The following FOXP4 variants were observed in gnomAD, a reference collection of about 807,000 sequenced individuals.
FOXP4 encodes the protein forkhead box P4.
FOXP4 carries 25 observed loss-of-function variants against 82.6 expected under a neutral mutation model. The ratio of observed to expected loss-of-function variants is 0.30; its 90% CI spans 0.22 to 0.42. The LOEUF is 0.42. Ranked by LOEUF, FOXP4 falls within the 10% of genes least tolerant of loss-of-function variation. The pLI is 1.00. For missense variants in FOXP4, 785 were observed against 900.9 expected (o/e 0.87, Z 1.65); for synonymous variants, 415 against 388.2 (o/e 1.07, Z -0.81).
intron 2 of FOXP4, among the ~76,000 whole-genome samples, chr6:41,571,425 G>C (rs1380611485): frequency 1.3e-5 from 2 of 152,242 alleles, no homozygotes; most frequent in Non-Finnish European, 2.9e-5. Flanking sequence ...GTTGAGTTCA[G>C]CTGTAAATTC....
At chr6:41,563,997 A>G (rs528257852) in intron 1 of FOXP4, among the ~76,000 whole-genome samples, 2 of 152,332 alleles carry the variant, frequency 1.3e-5, no homozygotes, top group East Asian at 3.9e-4. Flanking sequence ...TACCACAGAC[A>G]AGGAATCTGA....
At chr6:41,556,134 G>A (rs1764262780) in intron 1 of FOXP4, among the ~76,000 whole-genome samples, 1 of 151,968 alleles carries the variant, frequency 6.6e-6, no homozygotes, top group South Asian at 2.1e-4. Context: ...ACGCGGGGAG[G>A]AGCACTGGTT....
At chr6:41,597,331 C>T in intron 15 of FOXP4, 89 bp downstream of exon 15, 1 of 1,384,014 alleles carries the variant, frequency 7.2e-7, no homozygotes, top group Non-Finnish European at 1.0e-6. Context: ...CTGCAGAGGA[C>T]TCACCAGAGG....
chr6:41,553,299 G>A (rs1581698338), intron 1 of FOXP4, among the ~76,000 whole-genome samples: 1 of 151,946 alleles, frequency 6.6e-6, no homozygotes, highest in African/African-American at 2.4e-5. Flanking sequence ...GATGCCTCAT[G>A]TTATCAATTA....
intron 1 of FOXP4, among the ~76,000 whole-genome samples, chr6:41,563,487 G>A (rs898158926): frequency 1.3e-5 from 2 of 152,302 alleles, no homozygotes; most frequent in African/African-American, 2.4e-5. Context: ...GGGAGACCGT[G>A]TGGTTATAGG....
intron 1 of FOXP4, 125 bp from the exon 2 acceptor site, chr6:41,565,620 G>A (rs1764829328): frequency 2.3e-6 from 2 of 851,988 alleles, no homozygotes; most frequent in East Asian, 5.0e-5. Context: ...CAGCCTCTGG[G>A]AAGTTGAGGA....
At position 41,585,401 on chromosome 6, in the gene FOXP4, G is replaced by A. The variant is rs373354224; in HGVS notation, c.424-30G>A. 12 of 1,609,500 alleles carry A rather than the reference G, an allele frequency of 7.5e-6. No individual in the cohort carries two copies. The Middle Eastern group carries it at 5.0e-4, about 67-fold the overall frequency. ...GGGGTTGTGGGGATAGCAGTACCCT[G>A]CCAGTGGTAACCCTCCTCCACCCCC... On this transcript the variant is annotated intron_variant, in intron 4 of 16. Coordinates refer to ENST00000307972, the MANE Select transcript of FOXP4 (RefSeq NM_001012426.2).
Position 41,601,284 on chromosome 6 carries a change from G to GC in FOXP4, c.*2350dup, listed in dbSNP as rs922021150. 8 of 152,572 alleles carry GC rather than the reference G, an allele frequency of 5.2e-5. No individual in the cohort carries two copies. The highest frequency in any genetic ancestry group is 1.9e-4 in the African/African-American group (8 of 41,538). 9.5% of individuals were successfully genotyped at this position (152,572 alleles called of 1,614,324 possible). On this transcript the variant is annotated 3_prime_UTR_variant, in exon 17 of 17. Transcript: ENST00000307972. ...CCCTGGATAGGCTGCAAGGAAAGAGGCCAAGGGCCAAGCTGCTAAGCCAAA... is the reference window on the plus strand; with the variant it reads ...CCCTGGATAGGCTGCAAGGAAAGAGGCCCAAGGGCCAAGCTGCTAAGCCAAA...
chr6:41,587,363 C>T lies in FOXP4; in HGVS notation c.723C>T (p.Ala241=), dbSNP rs200703463. 5.7e-5 allele frequency: 92 copies of T among 1,608,206 alleles called. No individual in the cohort carries two copies. The highest frequency in any genetic ancestry group is 8.4e-5 in the Admixed American group (5 of 59,276). ...GCGAGGGTGCCCCCGGGCAGCCTGC[C>T]GAGGACAGCGTCAAGCAGGAGGGGC... is the stretch of plus-strand genomic sequence containing the variant. The part of the protein sequence containing the change: ...WKGEGAPGQP[A]EDSVKQEGLD... The change falls in exon 7 of 17, where the codon GCC becomes GCT. Residue 241 remains alanine, a synonymous_variant. Transcript: ENST00000307972.
rs141432353 is a variant in FOXP4, at chr6:41,577,991, C to G, written c.210C>G (p.Leu70=). The G allele has an allele frequency of 6.2e-7, 1 of 1,612,238 alleles. No homozygotes were observed. The highest frequency in any genetic ancestry group is 8.5e-7 in the Non-Finnish European group (1 of 1,179,884). Residue 70 remains leucine (L), a synonymous_variant, in exon 3 of 17, where the codon CTC becomes CTG. Coordinates refer to ENST00000307972, the MANE Select transcript of FOXP4 (RefSeq NM_001012426.2). ...ACTCAGCCCCTGTCTTGCAGGCTCT[C>G]CAAGTGGCCCGGCAGTTCCTGCTGC... ...ELLHFQQQQA[L]QVARQFLLQQ...
chr6:41,570,828 G>A (rs1241042717), intron 2 of FOXP4, among the ~76,000 whole-genome samples: 1 of 152,126 alleles, frequency 6.6e-6, no homozygotes, highest in Non-Finnish European at 1.5e-5. Context: ...GCATCCTAGG[G>A]TCACCTCATC....
intron 14 of FOXP4, among the ~76,000 whole-genome samples, chr6:41,596,497 C>T (rs1279157809): frequency 6.6e-6 from 1 of 152,192 alleles, no homozygotes. Flanking sequence ...TGGTGAATGC[C>T]TAGGGGCCAG....
chr6:41,598,906 G>A lies in FOXP4; in HGVS notation c.2013G>A (p.Glu671=). 1.2e-6 allele frequency: 2 copies of A among 1,608,230 alleles called. No homozygotes were observed. The highest frequency in any genetic ancestry group is 1.7e-6 in the Non-Finnish European group (2 of 1,178,260). Residue 671 remains glutamate, a synonymous_variant, in exon 17 of 17, where the codon GAG becomes GAA. Transcript: ENST00000307972. The stretch of plus-strand genomic sequence containing the variant: ...GGCCTCCGGAAGACAGGGACCTGGA[G>A]GAGGAGCTGCCGGGAGAAGAACTGT... The part of the protein sequence containing the change: ...ASGPPEDRDL[E]EELPGEELS
At chr6:41,583,662 G>A (rs778211688) in intron 3 of FOXP4, among the ~76,000 whole-genome samples, 3 of 152,184 alleles carry the variant, frequency 2.0e-5, no homozygotes, top group Non-Finnish European at 2.9e-5. Flanking sequence ...GTATGCATGG[G>A]GTCACAGAGT....
chr6:41,569,139 A>C (rs1184152526), intron 2 of FOXP4, among the ~76,000 whole-genome samples: 1 of 152,158 alleles, frequency 6.6e-6, no homozygotes, highest in Non-Finnish European at 1.5e-5. Context: ...GCTTTCACCA[A>C]GTCTGCAGTC....
At chr6:41,555,517 C>T (rs1032640632) in intron 1 of FOXP4, among the ~76,000 whole-genome samples, 1 of 152,158 alleles carries the variant, frequency 6.6e-6, no homozygotes, top group Non-Finnish European at 1.5e-5. Flanking sequence ...GTGGTTTGTC[C>T]CAGGCCCTCT....
chr6:41,591,211 T>C lies in FOXP4; in HGVS notation c.1435-10T>C. 6.2e-7 allele frequency: 1 copy of C among 1,601,964 alleles called. No homozygotes were observed. Among genetic ancestry groups the C allele is most frequent in the Non-Finnish European group, 8.5e-7 (1 of 1,173,756 alleles). On this transcript the variant is annotated splice_polypyrimidine_tract_variant and intron_variant, in intron 12 of 16. Transcript: ENST00000307972. This position sits in a 1 kb window ranked among gnomAD's most constrained non-coding sequence, Gnocchi z 4.2. ...GGCTGACGGTCCCTTTGCTTGTTCC[T>C]TCCCCGCAGGCCATCCTGGAAACCC...
chr6:41,588,826 C>T, intron 9 of FOXP4, 95 bp downstream of exon 9: 4 of 1,364,614 alleles, frequency 2.9e-6, no homozygotes. Context: ...TTGGGAGGGT[C>T]TCATGGAAGG....
At chr6:41,552,020 CAT>C (rs1764025844) in intron 1 of FOXP4, among the ~76,000 whole-genome samples, 1 of 152,224 alleles carries the variant, frequency 6.6e-6, no homozygotes, top group African/African-American at 2.4e-5. Context: ...TGAGACAGGA[CAT>C]GTGTGCCACC....
Sources: gnomAD v4.1 joint callset for allele counts (sites outside exome capture counted in the v4.1 genomes callset) on GRCh38, gnomAD v4.1.1 for gene constraint, Gnocchi (gnomAD v3.1) non-coding constraint, MANE v1.5 for transcripts, NCBI Gene and HGNC (gene_info 2026-07-23, HGNC 2026-07-21) for gene names.